The following ABCC12 variants were observed in gnomAD, a reference collection of about 807,000 sequenced individuals.
ABCC12 encodes the protein ATP binding cassette subfamily C member 12, also known as ATP-binding cassette sub-family C member 12.
ABCC12 carries 142 observed loss-of-function variants against 151.1 expected under a neutral mutation model. The ratio of observed to expected loss-of-function variants is 0.94; its 90% CI spans 0.82 to 1.08. The LOEUF (loss-of-function observed/expected upper bound fraction) is 1.08, where lower values mean the gene tolerates loss of function less well. ABCC12 is among the 50% of genes least tolerant of loss of function. The pLI, the probability that ABCC12 is intolerant of heterozygous loss-of-function variation, is 0.00. For synonymous variants in ABCC12, 645 were observed against 646.4 expected (o/e 1.00, Z 0.03); for missense variants, 1,638 against 1,691.1 (o/e 0.97, Z 0.55).
chr16:48,133,515 G>C (rs1415817842), intron 9 of ABCC12, among the ~76,000 whole-genome samples, 172 bp downstream of exon 9: 1 of 148,710 alleles, frequency 6.7e-6, no homozygotes, highest in Non-Finnish European at 1.5e-5. Context: ...GACTGAGTGA[G>C]ACCCTGTCTC....
chr16:48,130,478 A>G (rs1036157486), intron 10 of ABCC12, among the ~76,000 whole-genome samples: 5 of 152,218 alleles, frequency 3.3e-5, no homozygotes, highest in Non-Finnish European at 7.3e-5. Context: ...AGTGGGGATG[A>G]CTCAGAACAA....
At position 48,107,383 on chromosome 16, in the gene ABCC12, A is replaced by T; in HGVS notation, c.2414T>A (p.Met805Lys). Residue 805 changes from methionine to lysine, a missense_variant, in exon 20 of 31, where the codon ATG becomes AAG. Transcript: ENST00000311303. ...SLFTVFLFLL[M>K]IGSAAFSNWW... is the part of the protein sequence containing the mutation. ...GTTGCTGAAGGCAGCGCTGCCAATC[A>T]TCAGGAGGAAGAGGAACACAGTGAA... The T allele has an allele frequency of 1.2e-6, 2 of 1,614,228 alleles. No homozygotes were observed. The highest frequency in any genetic ancestry group is 1.1e-5 in the South Asian group (1 of 91,084).
chr16:48,124,154 G>T lies in ABCC12; in HGVS notation c.1587+59C>A, dbSNP rs1363585636. The T allele has an allele frequency of 3.2e-6, 5 of 1,560,206 alleles. No individual in the cohort carries two copies. The African/African-American group carries it at 6.8e-5, about 21-fold the overall frequency. On this transcript the variant is annotated intron_variant, in intron 12 of 30. Transcript: ENST00000311303. Reference sequence around the variant, plus strand: ...TGCTGGGTCCACGCCTGACCGGAAGGGAGCCATTTCATTGTCATGTTAATG... The same window carrying T: ...TGCTGGGTCCACGCCTGACCGGAAGTGAGCCATTTCATTGTCATGTTAATG...
At position 48,119,654 on chromosome 16, in the gene ABCC12, T is replaced by A. The variant is rs532417978; in HGVS notation, c.1712+2062A>T. Reference sequence around the variant, plus strand: ...ACAAGCCTCTTGATGAGAACATACATGCTGCCATACCAGCCAGCAGGGACA... The same window carrying A: ...ACAAGCCTCTTGATGAGAACATACAAGCTGCCATACCAGCCAGCAGGGACA... On this transcript the variant is annotated intron_variant, in intron 13 of 30. Coordinates refer to ENST00000311303, the MANE Select transcript of ABCC12 (RefSeq NM_001393797.1). Among the ~76,000 whole-genome samples, 3 of 152,318 alleles carry A rather than the reference T, an allele frequency of 2.0e-5. No homozygotes were observed. In the East Asian group the frequency reaches 5.8e-4, roughly 29 times the overall value.
intron 11 of ABCC12, among the ~76,000 whole-genome samples, chr16:48,127,959 A>T (rs1027610279): frequency 2.6e-5 from 4 of 152,140 alleles, no homozygotes; most frequent in African/African-American, 7.2e-5. Flanking sequence ...TAAATAAAAA[A>T]TTTTAAAAAA....
At chr16:48,150,943 G>A (rs1446631861) in intron 2 of ABCC12, among the ~76,000 whole-genome samples, 2 of 152,164 alleles carry the variant, frequency 1.3e-5, no homozygotes, top group African/African-American at 2.4e-5. Flanking sequence ...AAACTGAGAA[G>A]CCTGGCTCTC....
intron 13 of ABCC12, chr16:48,121,197 T>C (rs527796611): frequency 6.6e-6 from 1 of 152,230 alleles, no homozygotes; most frequent in East Asian, 1.9e-4. Flanking sequence ...AAAAATAAAA[T>C]GATATAAAAA....
chr16:48,100,693 C>A (rs576521144), intron 23 of ABCC12, among the ~76,000 whole-genome samples, 179 bp downstream of exon 23: 1 of 152,268 alleles, frequency 6.6e-6, no homozygotes, highest in Admixed American at 6.5e-5. Flanking sequence ...TCTTCTGGGG[C>A]CCAAGATGCT....
chr16:48,151,350 C>T (rs1219097990), intron 2 of ABCC12, among the ~76,000 whole-genome samples: 5 of 152,158 alleles, frequency 3.3e-5, no homozygotes, highest in African/African-American at 9.7e-5. Context: ...TCAAGGTCAT[C>T]AAAGACAAGG....
Position 48,128,457 on chromosome 16 carries a change from A to G in ABCC12, c.1515+2T>C, listed in dbSNP as rs772622257. 4 of 1,613,444 alleles carry G rather than the reference A, an allele frequency of 2.5e-6. No individual in the cohort carries two copies. The African/African-American group carries it at 5.3e-5, about 22-fold the overall frequency. The stretch of plus-strand genomic sequence containing the variant: ...GGCCACACCTGTGCAACACACACCC[A>G]CCTTTCTCACCACAAAGCTTATGCT... On this transcript the variant is annotated splice_donor_variant, in intron 11 of 30. Transcript: ENST00000311303. LOFTEE classifies it high-confidence loss of function.
intron 29 of ABCC12, 32 bp from the exon 30 acceptor site, chr16:48,084,105 C>A: frequency 1.3e-6 from 2 of 1,569,282 alleles, no homozygotes; most frequent in Admixed American, 2.1e-5. Context: ...AAGCCAAAGG[C>A]GCACTGAGAG....
chr16:48,102,583 C>T (rs1274696390), intron 22 of ABCC12, among the ~76,000 whole-genome samples: 1 of 152,180 alleles, frequency 6.6e-6, no homozygotes, highest in Non-Finnish European at 1.5e-5. Flanking sequence ...AAGACAGCAG[C>T]AAGAGTCCAG....
rs1216308104 is a variant in ABCC12 at position 48,082,815 on chromosome 16, T to C, written c.*900A>G. On this transcript the variant is annotated 3_prime_UTR_variant, in exon 31 of 31. Transcript: ENST00000311303. ...AAGAGCTTGCTGGATTTTCTATAAA[T>C]ATTTTTTTCCCAAATGTCACCATGA... Among the ~76,000 whole-genome samples, 1 of 152,172 alleles carries C rather than the reference T, an allele frequency of 6.6e-6. No individual in the cohort carries two copies. The highest frequency in any genetic ancestry group is 1.5e-5 in the Non-Finnish European group (1 of 68,036).
chr16:48,140,198 G>GT (rs1469601523), intron 6 of ABCC12, among the ~76,000 whole-genome samples: 1 of 151,972 alleles, frequency 6.6e-6, no homozygotes, highest in Non-Finnish European at 1.5e-5. Context: ...TGTTGTTGTT[G>GT]TGTGTGTGTG....
intron 15 of ABCC12, 69 bp downstream of exon 15, chr16:48,115,346 G>C: frequency 6.6e-7 from 1 of 1,520,166 alleles, no homozygotes. Context: ...CAGAAGAGGA[G>C]GCTCTGTGAG....
Position 48,133,697 on chromosome 16 carries a change from G to A in ABCC12, c.1118C>T (p.Thr373Ile), listed in dbSNP as rs1478917637. The part of the protein sequence containing the change: ...SCHILLRRKL[T>I]APVAFSVIAM... ...GGAGCCAGCTCTTACCACGGGTGCGGTGAGTTTGCGTCTCAGGAGGATGTG... is the reference window on the plus strand; with the variant it reads ...GGAGCCAGCTCTTACCACGGGTGCGATGAGTTTGCGTCTCAGGAGGATGTG... Residue 373 changes from threonine to isoleucine, a missense_variant, in exon 9 of 31, where the codon ACC becomes ATC. Coordinates refer to ENST00000311303, the MANE Select transcript of ABCC12 (RefSeq NM_001393797.1). 3 of 1,613,900 alleles carry A rather than the reference G, an allele frequency of 1.9e-6. No homozygotes were observed. In the African/African-American group the frequency reaches 4.0e-5, roughly 22 times the overall value.
chr16:48,080,936 A>G lies in ABCC12; in HGVS notation c.*2779T>C, dbSNP rs1255506841. Among the ~76,000 whole-genome samples, 1 of 152,188 alleles carries G rather than the reference A, an allele frequency of 6.6e-6. No individual in the cohort carries two copies. Among genetic ancestry groups the G allele is most frequent in the East Asian group, 1.9e-4 (1 of 5,194 alleles). The stretch of plus-strand genomic sequence containing the variant: ...CACAGTTCTGGACGCTGGGAAATCC[A>G]TGGTCGAGGTGCCAACAGATTTGGT... On this transcript the variant is annotated 3_prime_UTR_variant, in exon 31 of 31. Coordinates refer to ENST00000311303, the MANE Select transcript of ABCC12 (RefSeq NM_001393797.1).
chr16:48,138,339 A>G lies in ABCC12; in HGVS notation c.868T>C (p.Ser290Pro). Residue 290 changes from serine (S) to proline (P), a missense_variant, in exon 8 of 31, where the codon TCA becomes CCA. By Grantham distance (74) the Ser-to-Pro change is moderately conservative. Transcript: ENST00000311303. The part of the protein sequence containing the change: ...MAKLNSAFRR[S>P]AILVTDKRVQ... ...CGCTTGTCTGTCACCAAAATTGCTG[A>G]CCTTCGGAAAGCTGAATTGAGCTTG... The G allele has an allele frequency of 1.9e-6, 3 of 1,613,864 alleles. No homozygotes were observed. The highest frequency in any genetic ancestry group is 1.7e-6 in the Non-Finnish European group (2 of 1,179,770).
rs1387557325 is a variant in ABCC12, at chr16:48,115,592, A to G, written c.1812T>C (p.Ser604=). The G allele has an allele frequency of 1.2e-6, 2 of 1,613,934 alleles. No homozygotes were observed. Among genetic ancestry groups the G allele is most frequent in the Non-Finnish European group, 1.7e-6 (2 of 1,179,920 alleles). Residue 604 remains serine, a synonymous_variant, in exon 15 of 31, where the codon TCT becomes TCC. Coordinates refer to ENST00000311303, the MANE Select transcript of ABCC12 (RefSeq NM_001393797.1). ...TEIGERGLNL[S]GGQRQRISLA... ...GGCTAATCCTCTGCCTCTGCCCCCC[A>G]GAGAGGTTGAGGCCCCGCTCCCCAA... is the stretch of plus-strand genomic sequence containing the variant.
Sources: gnomAD v4.1 joint callset for allele counts (sites outside exome capture counted in the v4.1 genomes callset) on GRCh38, gnomAD v4.1.1 for gene constraint, MANE v1.5 for transcripts, NCBI Gene and HGNC (gene_info 2026-07-23, HGNC 2026-07-21) for gene names.